The following MYO3A variants were observed in gnomAD, a reference collection of about 807,000 sequenced individuals.
The protein encoded by MYO3A is myosin-IIIa.
Under a neutral mutation model 192.7 loss-of-function variants are expected in MYO3A, and 180 were observed. That is an observed-to-expected ratio of 0.93 (90% CI 0.83 to 1.06). MYO3A has a LOEUF of 1.06. Ranked by LOEUF, MYO3A falls within the 50% of genes least tolerant of loss-of-function variation. MYO3A has a pLI of 0.00. For missense variants in MYO3A, 1,896 were observed against 1,905.0 expected (o/e 1.00, Z 0.09); for synonymous variants, 628 against 645.3 (o/e 0.97, Z 0.41).
In MYO3A at chr10:26,174,596, C is replaced by T. The variant is rs1589080092; in HGVS notation, c.4293+39C>T. 25 of 1,528,060 alleles carry T rather than the reference C, an allele frequency of 1.6e-5. No individual in the cohort carries two copies. In the East Asian group the frequency reaches 5.7e-4, roughly 35 times the overall value. The allele number at this position is 1,528,060 out of a possible 1,614,324, so 94.7% of individuals were successfully genotyped here. A position where few individuals can be genotyped will look rare whatever the true frequency, so the allele number is the denominator to read the frequency against. ...TAAATTTATTTACTAATAAAAGTCCCTGGGAACTATACAATAACTGAATTA... is the reference window on the plus strand; with the variant it reads ...TAAATTTATTTACTAATAAAAGTCCTTGGGAACTATACAATAACTGAATTA... On this transcript the variant is annotated intron_variant, in intron 30 of 34. Transcript: ENST00000642920.
intron 10 of MYO3A, among the ~76,000 whole-genome samples, chr10:26,053,227 A>C (rs1223883691): frequency 6.6e-6 from 1 of 152,202 alleles, no homozygotes; most frequent in African/African-American, 2.4e-5. Flanking sequence ...TATACATTGA[A>C]AAGTACATAT....
intron 6 of MYO3A, among the ~76,000 whole-genome samples, chr10:26,004,549 C>T (rs1841060533): frequency 6.6e-6 from 1 of 152,050 alleles, no homozygotes; most frequent in African/African-American, 2.4e-5. Flanking sequence ...GCACATCTAG[C>T]ACCTAGCTTT....
intron 29 of MYO3A, among the ~76,000 whole-genome samples, chr10:26,171,429 C>T (rs899326300): frequency 7.9e-5 from 12 of 152,198 alleles, no homozygotes; most frequent in Non-Finnish European, 1.8e-4. Context: ...GCTATTCTCT[C>T]CTGCCAATAG....
chr10:25,980,130 G>A (rs1047619739), intron 4 of MYO3A, among the ~76,000 whole-genome samples: 2 of 151,818 alleles, frequency 1.3e-5, no homozygotes, highest in Non-Finnish European at 2.9e-5. Flanking sequence ...CCAGCTACTC[G>A]GGAGGCTGAG....
chr10:26,149,954 A>T (rs1012877645), intron 23 of MYO3A, among the ~76,000 whole-genome samples: 90 of 151,942 alleles, frequency 5.9e-4, no homozygotes, highest in Admixed American at 3.1e-3. Flanking sequence ...CACAAATTCC[A>T]TCCAGTATTT....
In MYO3A at chr10:26,139,005, C is replaced by T. The variant is rs146126771; in HGVS notation, c.2263-4443C>T. 4.6e-3 allele frequency among the ~76,000 whole-genome samples: 697 copies of T among 152,314 alleles called. 5 individuals carry two copies. Among genetic ancestry groups the T allele is most frequent in the African/African-American group, 0.016 (661 of 41,564 alleles). On this transcript the variant is annotated intron_variant, in intron 20 of 34. Transcript: ENST00000642920. ...TAGCTTCACAAATCGTCAGCAACAT[C>T]ACAACAACTGATGCTGTAAGGAAGC...
intron 17 of MYO3A, among the ~76,000 whole-genome samples, chr10:26,101,559 G>T (rs1332460542): frequency 6.6e-6 from 1 of 152,116 alleles, no homozygotes; most frequent in Non-Finnish European, 1.5e-5. Flanking sequence ...CACGTTTAGT[G>T]CTTCCTTCAG....
Position 26,206,358 on chromosome 10 carries a change from G to A in MYO3A, c.4730+3251G>A, listed in dbSNP as rs201902688. 1.6e-4 allele frequency among the ~76,000 whole-genome samples: 23 copies of A among 146,568 alleles called. No homozygotes were observed. The East Asian group carries it at 4.3e-3, about 27-fold the overall frequency. ...TTACAGGCGTGAGCCACAGCGCCCA[G>A]CCCAGGTATCTTTTTTACATACTGA... is the stretch of plus-strand genomic sequence containing the variant. On this transcript the variant is annotated intron_variant, in intron 34 of 34. Transcript: ENST00000642920.
At chr10:26,176,616 G>T (rs1047687747) in intron 30 of MYO3A, 85 bp from the exon 31 acceptor site, 12 of 1,255,600 alleles carry the variant, frequency 9.6e-6, no homozygotes, top group African/African-American at 1.5e-5. Flanking sequence ...AAGAGTGCTG[G>T]TAAGGCGTTT....
chr10:26,122,674 CA>C (rs1161832107), intron 18 of MYO3A, among the ~76,000 whole-genome samples: 1 of 152,130 alleles, frequency 6.6e-6, no homozygotes, highest in East Asian at 1.9e-4. Context: ...TGGGCTCTCT[CA>C]GTCTCCCCCT....
At chr10:25,942,290 C>T (rs1836550152) in intron 2 of MYO3A, among the ~76,000 whole-genome samples, 1 of 152,230 alleles carries the variant, frequency 6.6e-6, no homozygotes, top group African/African-American at 2.4e-5. Flanking sequence ...GCATGAACCA[C>T]CGCGTCCAGC....
At chr10:25,983,203 C>T (rs375652874) in intron 4 of MYO3A, among the ~76,000 whole-genome samples, 7 of 151,472 alleles carry the variant, frequency 4.6e-5, no homozygotes, top group African/African-American at 9.7e-5. Context: ...GAAGAAAGAA[C>T]TTCAGAGCTT....
intron 4 of MYO3A, among the ~76,000 whole-genome samples, chr10:25,973,842 A>G (rs1421566856): frequency 6.6e-6 from 1 of 152,230 alleles, no homozygotes; most frequent in South Asian, 2.1e-4. Context: ...CAATGGAGAA[A>G]GGATTCCCTA....
chr10:25,974,602 T>C (rs1838864778), intron 4 of MYO3A, among the ~76,000 whole-genome samples: 1 of 152,180 alleles, frequency 6.6e-6, no homozygotes, highest in Admixed American at 6.5e-5. Flanking sequence ...TTGTTTCACA[T>C]TGAACTGGCT....
At chr10:25,996,208 G>A (rs573408232) in intron 4 of MYO3A, among the ~76,000 whole-genome samples, 74 of 152,334 alleles carry the variant, frequency 4.9e-4, no homozygotes, top group African/African-American at 1.7e-3. Context: ...AATGGCGGGT[G>A]CCCCTCCCCA....
chr10:26,091,506 C>T (rs1486305105), intron 15 of MYO3A, among the ~76,000 whole-genome samples: 1 of 152,134 alleles, frequency 6.6e-6, no homozygotes, highest in Non-Finnish European at 1.5e-5. Flanking sequence ...CCTGTTACTA[C>T]AGTTTAGTTC....
chr10:26,109,432 C>T (rs950773661), intron 17 of MYO3A, among the ~76,000 whole-genome samples: 2 of 152,218 alleles, frequency 1.3e-5, no homozygotes, highest in East Asian at 1.9e-4. Flanking sequence ...CCCACTCCTT[C>T]CATGCTGGTA....
intron 20 of MYO3A, among the ~76,000 whole-genome samples, chr10:26,134,968 T>C (rs905530281): frequency 1.3e-5 from 2 of 152,228 alleles, no homozygotes. Flanking sequence ...TTGCAAACGT[T>C]CTGTCCACAG....
At chr10:26,004,627 T>C (rs1841067617) in intron 6 of MYO3A, among the ~76,000 whole-genome samples, 1 of 152,002 alleles carries the variant, frequency 6.6e-6, no homozygotes, top group African/African-American at 2.4e-5. Context: ...ATTTTAGGGC[T>C]CCATGAGATG....
Sources: allele counts gnomAD v4.1 joint callset (sites outside exome capture counted in the v4.1 genomes callset), GRCh38; gene constraint gnomAD v4.1.1; transcripts MANE v1.5; gene names NCBI Gene and HGNC (gene_info 2026-07-23, HGNC 2026-07-21).